Variants in CFAP263 observed in about 807,000 individuals in gnomAD.
The protein encoded by CFAP263 is cilia and flagella associated protein 263.
chr16:58,267,623 T>C, the CFAP263 span: 1 of 1,304,844 alleles, frequency 7.7e-7, no homozygotes, highest in South Asian at 1.2e-5. Flanking sequence ...CTGATGTTTG[T>C]CTCCTTGTGT....
At chr16:58,282,284 C>A in the CFAP263 span, 1 of 152,108 alleles carries the variant, frequency 6.6e-6, no homozygotes, top group Admixed American at 6.5e-5. Flanking sequence ...GGATTACAGG[C>A]GTGAGCCACT....
chr16:58,262,178 T>G, the CFAP263 span, among the ~76,000 whole-genome samples: 3 of 151,946 alleles, frequency 2.0e-5, no homozygotes, highest in Admixed American at 6.6e-5. Context: ...ATGCACTGCC[T>G]GGGGCCAGGG....
the CFAP263 span, among the ~76,000 whole-genome samples, chr16:58,275,819 C>T: frequency 7.2e-5 from 11 of 152,002 alleles, no homozygotes; most frequent in African/African-American, 9.7e-5. Flanking sequence ...CTATGCCTTA[C>T]GCTGAAATTA....
the CFAP263 span, chr16:58,280,799 G>T: frequency 1.3e-6 from 2 of 1,522,132 alleles, no homozygotes; most frequent in Non-Finnish European, 1.8e-6. Context: ...AGAAAAACTA[G>T]TTTTTGTTGT....
the CFAP263 span, among the ~76,000 whole-genome samples, chr16:58,261,976 C>G: frequency 1.3e-5 from 2 of 152,056 alleles, no homozygotes; most frequent in African/African-American, 4.8e-5. Flanking sequence ...GATTCTTACT[C>G]TTCCTTCATG....
the CFAP263 span, chr16:58,279,657 AT>A: frequency 3.1e-5 from 47 of 1,499,140 alleles, no homozygotes; most frequent in East Asian, 3.0e-4. Context: ...CTCCTTTATC[AT>A]TTTTTTTCTT....
chr16:58,278,683 A>G, the CFAP263 span: 1 of 1,581,938 alleles, frequency 6.3e-7, no homozygotes, highest in Non-Finnish European at 8.7e-7. Context: ...TATGTCTTCA[A>G]CGTTTTCACT....
At chr16:58,254,697 C>T in the CFAP263 span, among the ~76,000 whole-genome samples, 171 of 151,996 alleles carry the variant, frequency 1.1e-3, no homozygotes, top group African/African-American at 3.8e-3. Context: ...CTCCGCCTCC[C>T]GGGTTCACAC....
the CFAP263 span, among the ~76,000 whole-genome samples, chr16:58,253,271 C>T: frequency 6.6e-6 from 1 of 151,988 alleles, no homozygotes; most frequent in African/African-American, 2.4e-5. Context: ...GTTTTAGCTA[C>T]TTGGGAGGCT....
the CFAP263 span, chr16:58,254,023 C>T: frequency 6.2e-7 from 1 of 1,614,192 alleles, no homozygotes; most frequent in Admixed American, 1.7e-5. Flanking sequence ...AGATCCAAAT[C>T]CCGGACAGGT....
the CFAP263 span, among the ~76,000 whole-genome samples, chr16:58,258,178 T>C: frequency 2.0e-5 from 3 of 152,174 alleles, no homozygotes; most frequent in Non-Finnish European, 4.4e-5. Flanking sequence ...TGGATTCTAT[T>C]TTTTTGAAGA....
chr16:58,276,536 A>AG, the CFAP263 span, among the ~76,000 whole-genome samples: 1 of 152,174 alleles, frequency 6.6e-6, no homozygotes, highest in East Asian at 1.9e-4. Context: ...ACTAGATGCC[A>AG]GCAGCACCCC....
chr16:58,278,566 CG>C, the CFAP263 span: 836 of 1,614,088 alleles, frequency 5.2e-4, 2 homozygotes, highest in African/African-American at 0.01. Flanking sequence ...GACTTACGTC[CG>C]GGAGAAGATC....
the CFAP263 span, chr16:58,258,316 A>G: frequency 6.4e-7 from 1 of 1,562,362 alleles, no homozygotes; most frequent in East Asian, 2.2e-5. Context: ...TAGAAGACAC[A>G]TCCTTGAAGA....
chr16:58,261,365 G>A, the CFAP263 span, among the ~76,000 whole-genome samples: 1 of 152,322 alleles, frequency 6.6e-6, no homozygotes, highest in Admixed American at 6.5e-5. Flanking sequence ...GGTACTTGGA[G>A]GTTCATGCAA....
chr16:58,274,272 T>C, the CFAP263 span, among the ~76,000 whole-genome samples: 2 of 152,244 alleles, frequency 1.3e-5, no homozygotes, highest in Non-Finnish European at 2.9e-5. Flanking sequence ...TTTTACTTGC[T>C]GCTACTAACA....
At chr16:58,259,021 A>C in the CFAP263 span, among the ~76,000 whole-genome samples, 1 of 151,538 alleles carries the variant, frequency 6.6e-6, no homozygotes, top group African/African-American at 2.4e-5. Flanking sequence ...AAATAAATAA[A>C]TAAATAAATG....
the CFAP263 span, among the ~76,000 whole-genome samples, chr16:58,254,607 T>C: frequency 6.8e-6 from 1 of 146,764 alleles, no homozygotes; most frequent in Non-Finnish European, 1.5e-5. Flanking sequence ...TTACAGTAAT[T>C]TCTTTTTTTT....
chr16:58,279,842 T>A, the CFAP263 span: 1 of 1,274,624 alleles, frequency 7.8e-7, no homozygotes, highest in Non-Finnish European at 1.1e-6. Flanking sequence ...TCCTTTCTAG[T>A]CACGGGCTCC....
Sources: gnomAD v4.1 joint callset for allele counts (sites outside exome capture counted in the v4.1 genomes callset) on GRCh38, gnomAD v4.1.1 for gene constraint, MANE v1.5 for transcripts, NCBI Gene and HGNC (gene_info 2026-07-23, HGNC 2026-07-21) for gene names.